Variants in SAMD4A observed in about 807,000 individuals in gnomAD.
SAMD4A encodes the protein protein Smaug homolog 1.
SAMD4A carries 33 observed loss-of-function variants against 81.3 expected under a neutral mutation model. That is an observed-to-expected ratio of 0.41 (90% CI 0.31 to 0.54). The LOEUF (loss-of-function observed/expected upper bound fraction) is 0.54. Ranked by LOEUF, SAMD4A falls within the 20% of genes least tolerant of loss-of-function variation. SAMD4A has a pLI of 0.37. For synonymous variants in SAMD4A, 389 were observed against 382.1 expected (o/e 1.02, Z -0.21); for missense variants, 854 against 951.1 (o/e 0.90, Z 1.34).
intron 2 of SAMD4A, among the ~76,000 whole-genome samples, chr14:54,638,385 A>G (rs972353292): frequency 5.3e-5 from 8 of 152,220 alleles, no homozygotes; most frequent in African/African-American, 1.9e-4. Flanking sequence ...TGCGTGCATT[A>G]ATATTTCCTT....
Position 54,760,422 on chromosome 14 carries a change from G to T in SAMD4A, c.1438G>T (p.Asp480Tyr). Residue 480 changes from aspartate to tyrosine, a missense_variant, in exon 7 of 13, where the codon GAT becomes TAT. By Grantham distance (160) the Asp-to-Tyr change is radical. This residue lies in a region of SAMD4A where 428 missense variants were observed against 471.2 expected (regional missense o/e 0.91). Coordinates refer to ENST00000554335, the MANE Select transcript of SAMD4A (RefSeq NM_015589.6). Reference sequence around the variant, plus strand: ...CCAGCCGCACCAGCTGAGCAGCTGCGATGGGGAGCTGGCCGTCGCCCCCCT... The same window carrying T: ...CCAGCCGCACCAGCTGAGCAGCTGCTATGGGGAGCTGGCCGTCGCCCCCCT... ...GLQPHQLSSC[D>Y]GELAVAPLPE... 6.9e-7 allele frequency: 1 copy of T among 1,446,530 alleles called. No individual in the cohort carries two copies. Among genetic ancestry groups the T allele is most frequent in the South Asian group, 1.5e-5 (1 of 68,162 alleles). 89.6% of individuals were successfully genotyped at this position (1,446,530 alleles called of 1,614,324 possible). A position where few individuals can be genotyped will look rare whatever the true frequency, so the allele number is the denominator to read the frequency against.
At chr14:54,613,397 G>A (rs2034413502) in intron 2 of SAMD4A, among the ~76,000 whole-genome samples, 1 of 152,176 alleles carries the variant, frequency 6.6e-6, no homozygotes, top group Non-Finnish European at 1.5e-5. Flanking sequence ...CATTGTGTGT[G>A]ATATGCCAGG....
chr14:54,709,792 C>T (rs1000953449), intron 3 of SAMD4A, among the ~76,000 whole-genome samples: 6 of 152,076 alleles, frequency 3.9e-5, no homozygotes, highest in East Asian at 1.9e-4. Context: ...AGATAGAACC[C>T]GGATTAGCAT....
At position 54,790,412 on chromosome 14, in the gene SAMD4A, C is replaced by T. The variant is rs1172512922; in HGVS notation, c.*1468C>T. On this transcript the variant is annotated 3_prime_UTR_variant, in exon 13 of 13. Transcript: ENST00000554335. The stretch of plus-strand genomic sequence containing the variant: ...GTGTTAGTTGATTTATCCATCCACA[C>T]AGAGGGGAGGAAAAAGACACTCGTT... 6.6e-6 allele frequency: 1 copy of T among 152,210 alleles called. No homozygotes were observed. Among genetic ancestry groups the T allele is most frequent in the African/African-American group, 2.4e-5 (1 of 41,432 alleles). The allele number at this position is 152,210 out of a possible 1,614,324, so 9.4% of individuals were successfully genotyped here.
intron 8 of SAMD4A, 41 bp downstream of exon 8, chr14:54,764,581 T>A: frequency 7.7e-7 from 1 of 1,294,832 alleles, no homozygotes; most frequent in Non-Finnish European, 1.1e-6. Context: ...TTTTTTTTAT[T>A]GCTTAGAAAT....
At chr14:54,569,527 C>T (rs542949265) in intron 2 of SAMD4A, among the ~76,000 whole-genome samples, 76 of 152,262 alleles carry the variant, frequency 5.0e-4, no homozygotes, top group African/African-American at 1.7e-3. Context: ...ACTGGGGTGG[C>T]GATGACAGGG....
At chr14:54,701,795 C>G (rs2036725647) in intron 2 of SAMD4A, among the ~76,000 whole-genome samples, 1 of 152,162 alleles carries the variant, frequency 6.6e-6, no homozygotes, top group Non-Finnish European at 1.5e-5. Flanking sequence ...TTTGATTGTA[C>G]CAAAGTAGTT....
At chr14:54,597,310 T>C (rs1261693494) in intron 2 of SAMD4A, among the ~76,000 whole-genome samples, 1 of 151,992 alleles carries the variant, frequency 6.6e-6, no homozygotes, top group Non-Finnish European at 1.5e-5. Context: ...GTTTTGCTCT[T>C]ATTGCCTAGG....
chr14:54,780,499 G>C (rs938516221), intron 11 of SAMD4A, among the ~76,000 whole-genome samples: 3 of 152,192 alleles, frequency 2.0e-5, no homozygotes, highest in African/African-American at 7.2e-5. Flanking sequence ...GCCATGCAGA[G>C]GCAGAAACCA....
chr14:54,705,843 A>G (rs558316326), intron 3 of SAMD4A, among the ~76,000 whole-genome samples: 1 of 152,370 alleles, frequency 6.6e-6, no homozygotes, highest in East Asian at 1.9e-4. Flanking sequence ...ATGAATCAGT[A>G]TCACAATTAA....
upstream of SAMD4A, among the ~76,000 whole-genome samples, chr14:54,566,574 G>A (rs970704448): frequency 2.0e-5 from 3 of 151,650 alleles, no homozygotes; most frequent in Non-Finnish European, 2.9e-5. Context: ...GCGCCGATCC[G>A]CATTCCCCGC....
intron 2 of SAMD4A, among the ~76,000 whole-genome samples, chr14:54,682,786 A>G (rs555303678): frequency 6.6e-6 from 1 of 152,352 alleles, no homozygotes; most frequent in East Asian, 1.9e-4. Context: ...TTCCTACACT[A>G]TCAACATAGG....
chr14:54,585,132 T>A (rs78861092), intron 2 of SAMD4A, among the ~76,000 whole-genome samples: 2 of 152,178 alleles, frequency 1.3e-5, no homozygotes, highest in African/African-American at 4.8e-5. Flanking sequence ...GTGAAAAAAA[T>A]ATCTAAACTG....
intron 11 of SAMD4A, among the ~76,000 whole-genome samples, chr14:54,781,774 T>C (rs1355666750): frequency 6.6e-6 from 1 of 152,234 alleles, no homozygotes; most frequent in East Asian, 1.9e-4. Context: ...GCTGCCCGAA[T>C]GCCCCTCTGG....
intron 2 of SAMD4A, among the ~76,000 whole-genome samples, chr14:54,669,445 C>T (rs201966340): frequency 5.1e-4 from 53 of 103,282 alleles, no homozygotes; most frequent in Middle Eastern, 5.6e-3. Flanking sequence ...ACGCTTCTTT[C>T]TTTTTTTTTT....
intron 2 of SAMD4A, among the ~76,000 whole-genome samples, chr14:54,604,865 A>G (rs988704630): frequency 7.2e-5 from 11 of 152,196 alleles, no homozygotes; most frequent in Admixed American, 4.6e-4. Flanking sequence ...GAACATTACC[A>G]GTGTCTTTGA....
At chr14:54,568,565 G>C (rs1311173765) in intron 2 of SAMD4A, among the ~76,000 whole-genome samples, 1 of 151,538 alleles carries the variant, frequency 6.6e-6, no homozygotes, top group Non-Finnish European at 1.5e-5. Context: ...GGATAAGGCT[G>C]TGTGAGGAGT....
chr14:54,760,253 C>T lies in SAMD4A; in HGVS notation c.1269C>T (p.Thr423=). The stretch of plus-strand genomic sequence containing the variant: ...TCAAGGCCTACAGCTCCCCGAGCAC[C>T]ACCCCCGAGGCTCGCCGCCGGGAGC... The part of the protein sequence containing the change: ...TPIKAYSSPS[T]TPEARRREPQ... Residue 423 remains threonine (T), a synonymous_variant, in exon 7 of 13, where the codon ACC becomes ACT. Coordinates refer to ENST00000554335, the MANE Select transcript of SAMD4A (RefSeq NM_015589.6). 6.2e-7 allele frequency: 1 copy of T among 1,613,186 alleles called. No individual in the cohort carries two copies. Among genetic ancestry groups the T allele is most frequent in the Non-Finnish European group, 8.5e-7 (1 of 1,179,912 alleles).
chr14:54,566,564 G>A (rs1024905459), upstream of SAMD4A, among the ~76,000 whole-genome samples: 13 of 151,860 alleles, frequency 8.6e-5, no homozygotes, highest in African/African-American at 2.9e-4. Flanking sequence ...TGTGCCTGCG[G>A]CGCCGATCCG....
Sources: gnomAD v4.1 joint callset for allele counts (sites outside exome capture counted in the v4.1 genomes callset) on GRCh38, gnomAD v4.1.1 for gene constraint, gnomAD v4.1.1 regional missense constraint, MANE v1.5 for transcripts, NCBI Gene and HGNC (gene_info 2026-07-23, HGNC 2026-07-21) for gene names.